Variants in PITPNM2 observed in about 807,000 individuals in gnomAD.
PITPNM2 encodes phosphatidylinositol transfer protein membrane associated 2.
PITPNM2 carries 35 observed loss-of-function variants against 132.2 expected under a neutral mutation model. That is an observed-to-expected ratio of 0.26 (90% CI 0.20 to 0.35). The LOEUF (loss-of-function observed/expected upper bound fraction) is 0.35, where lower values mean the gene tolerates loss of function less well. Ranked by LOEUF, PITPNM2 falls within the 10% of genes least tolerant of loss-of-function variation. PITPNM2 has a pLI of 1.00. For missense variants in PITPNM2, 1,332 were observed against 1,912.0 expected (o/e 0.70, Z 5.66); for synonymous variants, 738 against 799.2 (o/e 0.92, Z 1.29).
intron 2 of PITPNM2, among the ~76,000 whole-genome samples, chr12:123,040,393 A>G (rs2040423058): frequency 6.6e-6 from 1 of 152,184 alleles, no homozygotes. Flanking sequence ...TTTATGTTAT[A>G]TATATACTTA....
chr12:123,130,966 C>T (rs1172949086), intron 1 of PITPNM2, among the ~76,000 whole-genome samples: 1 of 152,038 alleles, frequency 6.6e-6, no homozygotes, highest in Non-Finnish European at 1.5e-5. Context: ...TGGTGCTGTC[C>T]CCCACCCCAC....
intron 1 of PITPNM2, among the ~76,000 whole-genome samples, chr12:123,146,751 G>A (rs1191237658): frequency 6.6e-6 from 1 of 152,032 alleles, no homozygotes; most frequent in Non-Finnish European, 1.5e-5. Context: ...GCGTGAGGAG[G>A]TCAATGCTCC....
At chr12:123,102,842 C>T (rs1360124583) in intron 2 of PITPNM2, among the ~76,000 whole-genome samples, 2 of 152,218 alleles carry the variant, frequency 1.3e-5, no homozygotes, top group African/African-American at 4.8e-5. Context: ...GAAACCTGTT[C>T]TTGGTGACAC....
intron 2 of PITPNM2, among the ~76,000 whole-genome samples, chr12:123,053,067 T>C (rs1276586708): frequency 1.3e-5 from 2 of 152,022 alleles, no homozygotes; most frequent in African/African-American, 4.8e-5. Context: ...TTATTTTTTG[T>C]AGAGACAGGG....
intron 2 of PITPNM2, among the ~76,000 whole-genome samples, chr12:123,072,977 G>A (rs139462493): frequency 1.2e-4 from 18 of 152,308 alleles, no homozygotes; most frequent in African/African-American, 3.8e-4. Flanking sequence ...TTTAGGGAGA[G>A]CCCTGCCTCT....
intron 2 of PITPNM2, among the ~76,000 whole-genome samples, chr12:123,044,237 C>T (rs755545766): frequency 6.6e-6 from 1 of 152,202 alleles, no homozygotes; most frequent in Non-Finnish European, 1.5e-5. Flanking sequence ...CACTCCTGGT[C>T]ACCTCCCTGA....
chr12:123,144,351 A>C (rs968001116), intron 1 of PITPNM2, among the ~76,000 whole-genome samples: 8 of 152,244 alleles, frequency 5.3e-5, no homozygotes, highest in Admixed American at 5.2e-4. Context: ...GTGTTAGAGA[A>C]GCTTCATTCA....
Position 122,992,785 on chromosome 12 carries a change from G to A in PITPNM2, c.2234-116C>T. 1 of 729,756 alleles carries A rather than the reference G, an allele frequency of 1.4e-6. No individual in the cohort carries two copies. The highest frequency in any genetic ancestry group is 2.2e-6 in the Non-Finnish European group (1 of 452,064). The allele number at this position is 729,756 out of a possible 1,614,324, so 45.2% of individuals were successfully genotyped here. Reference sequence around the variant, plus strand: ...CTGCTGAAAGTTAGGGATAAGATGGGGGGTGTGTCTCTATCAATTTGGGAC... The same window carrying A: ...CTGCTGAAAGTTAGGGATAAGATGGAGGGTGTGTCTCTATCAATTTGGGAC... On this transcript the variant is annotated intron_variant, in intron 15 of 25. Coordinates refer to ENST00000320201, the MANE Select transcript of PITPNM2 (RefSeq NM_020845.3). The surrounding 1 kb of genome is among the most constrained non-coding windows in gnomAD (Gnocchi z 6.5).
intron 4 of PITPNM2, among the ~76,000 whole-genome samples, chr12:123,012,968 C>T (rs189166214): frequency 2.4e-4 from 36 of 152,338 alleles, no homozygotes; most frequent in Admixed American, 8.5e-4. Flanking sequence ...AGTGTATCCT[C>T]AGTGGCTTCT....
In PITPNM2 at chr12:123,009,869, C is replaced by G. The variant is rs746533110; in HGVS notation, c.624G>C (p.Glu208Asp). The G allele has an allele frequency of 6.2e-7, 1 of 1,614,160 alleles. No homozygotes were observed. The highest frequency in any genetic ancestry group is 1.7e-5 in the Admixed American group (1 of 60,028). Residue 208 changes from glutamate (E) to aspartate (D), a missense_variant, in exon 6 of 26, where the codon GAG becomes GAC. Around this residue, in one of 6 missense-constraint regions of PITPNM2, gnomAD observed 122 missense variants for 209.6 expected, o/e 0.58. Coordinates refer to ENST00000320201, the MANE Select transcript of PITPNM2 (RefSeq NM_020845.3). The surrounding 1 kb of genome is among the most constrained non-coding windows in gnomAD (Gnocchi z 4.8). ...GCTCACCGGTGTCGTGGATGAACCT[C>G]TCGATCTTGGACTGCATGCCCCAGT... ...FRYWGMQSKI[E>D]RFIHDTGLRR... is the part of the protein sequence containing the mutation.
intron 3 of PITPNM2, among the ~76,000 whole-genome samples, chr12:123,029,856 T>TGC (rs1491064286): frequency 6.7e-6 from 1 of 148,536 alleles, no homozygotes; most frequent in Non-Finnish European, 1.5e-5. Flanking sequence ...TGTGTGTGTG[T>TGC]GCACTAGAGC....
In PITPNM2 at chr12:122,992,561, G is replaced by C; in HGVS notation, c.2342C>G (p.Pro781Arg). Residue 781 changes from proline (P) to arginine (R), a missense_variant, in exon 16 of 26, where the codon CCG becomes CGG. Physicochemically the swap from Pro to Arg is moderately radical, Grantham distance 103. Around this residue, in one of 6 missense-constraint regions of PITPNM2, gnomAD observed 710 missense variants for 911.5 expected, o/e 0.78. Transcript: ENST00000320201. This position sits in a 1 kb window ranked among gnomAD's most constrained non-coding sequence, Gnocchi z 6.5. ...TTGGTAGCGGGGGACGCTGAAAGGC[G>C]GCAGGGCGTGAAAGCGCCGTTCCAG... is the stretch of plus-strand genomic sequence containing the variant. Reference protein sequence around the residue: ...PLLERRFHALPPFSVPRYQRY... With the variant: ...PLLERRFHALRPFSVPRYQRY... 6.2e-7 allele frequency: 1 copy of C among 1,611,760 alleles called. No individual in the cohort carries two copies. Among genetic ancestry groups the C allele is most frequent in the South Asian group, 1.1e-5 (1 of 90,986 alleles).
intron 2 of PITPNM2, among the ~76,000 whole-genome samples, chr12:123,038,752 G>A (rs1056795880): frequency 6.6e-6 from 1 of 151,676 alleles, no homozygotes; most frequent in African/African-American, 2.4e-5. Flanking sequence ...GAGATGAGGT[G>A]GGGCTCTCTG....
At chr12:122,987,175 A>T (rs1197300534) in intron 23 of PITPNM2, 106 bp downstream of exon 23, 1 of 1,505,622 alleles carries the variant, frequency 6.6e-7, no homozygotes, top group Non-Finnish European at 9.0e-7. Context: ...TGCCCGAGCC[A>T]GGCGTCCCCC....
Position 123,078,450 on chromosome 12 carries a change from G to A in PITPNM2, c.-96+31935C>T, listed in dbSNP as rs1566281776. 6.6e-6 allele frequency among the ~76,000 whole-genome samples: 1 copy of A among 152,176 alleles called. No homozygotes were observed. The highest frequency in any genetic ancestry group is 1.5e-5 in the Non-Finnish European group (1 of 68,020). On this transcript the variant is annotated intron_variant, in intron 2 of 25. Transcript: ENST00000320201. This position sits in a 1 kb window ranked among gnomAD's most constrained non-coding sequence, Gnocchi z 7.3. ...GCTGCCCCAAGAGCCTGGGCCCTCC[G>A]TCTCACGCCACGATGCCCAGCCAGA...
In PITPNM2 at chr12:123,004,580, C is replaced by G. The variant is rs762987940; in HGVS notation, c.953-91G>C. ...GGCAGGAGGCAGGGAGGGCCACCCA[C>G]AGGCCTGACAGGCATCACAGAGGCT... is the stretch of plus-strand genomic sequence containing the variant. On this transcript the variant is annotated intron_variant, in intron 7 of 25. Coordinates refer to ENST00000320201, the MANE Select transcript of PITPNM2 (RefSeq NM_020845.3). This position sits in a 1 kb window ranked among gnomAD's most constrained non-coding sequence, Gnocchi z 4.9. 8.7e-7 allele frequency: 1 copy of G among 1,153,516 alleles called. No individual in the cohort carries two copies. Among genetic ancestry groups the G allele is most frequent in the East Asian group, 2.4e-5 (1 of 41,746 alleles). The allele number at this position is 1,153,516 out of a possible 1,614,324, so 71.5% of individuals were successfully genotyped here.
In PITPNM2 at chr12:123,012,655, C is replaced by T. The variant is rs760673439; in HGVS notation, c.373G>A (p.Val125Met). The T allele has an allele frequency of 3.3e-5, 53 of 1,613,990 alleles. 1 individual carries two copies. Among genetic ancestry groups the T allele is most frequent in the South Asian group, 2.7e-4 (25 of 91,090 alleles). Residue 125 changes from valine (V) to methionine (M), a missense_variant, in exon 5 of 26, where the codon GTG becomes ATG. This residue lies in a region of PITPNM2 where 122 missense variants were observed against 209.6 expected (regional missense o/e 0.58). Coordinates refer to ENST00000320201, the MANE Select transcript of PITPNM2 (RefSeq NM_020845.3). ...YKTDAGENPD[V>M]FNLSPVEKNQ... ...TTTTCCACAGGAGAGAGGTTGAACA[C>T]GTCGGGGTTTTCTCCAGCATCAGTT...
At chr12:123,042,875 G>A (rs184157082) in intron 2 of PITPNM2, among the ~76,000 whole-genome samples, 3 of 152,058 alleles carry the variant, frequency 2.0e-5, no homozygotes, top group South Asian at 2.1e-4. Context: ...CAGCACAGAC[G>A]GATAAGGGGC....
chr12:123,045,894 C>T (rs993138022), intron 2 of PITPNM2, among the ~76,000 whole-genome samples: 6 of 152,114 alleles, frequency 3.9e-5, no homozygotes, highest in African/African-American at 1.2e-4. Flanking sequence ...TCTGAGCCCC[C>T]GTGACTCCTT....
Sources: gnomAD v4.1 joint callset for allele counts (sites outside exome capture counted in the v4.1 genomes callset) on GRCh38, gnomAD v4.1.1 for gene constraint, gnomAD v4.1.1 regional missense constraint, Gnocchi (gnomAD v3.1) non-coding constraint, MANE v1.5 for transcripts, NCBI Gene and HGNC (gene_info 2026-07-23, HGNC 2026-07-21) for gene names.